SPHKAP: variants seen among roughly 807,000 people sequenced by gnomAD.
SPHKAP encodes SPHK1 interactor, AKAP domain containing, also known as A-kinase anchor protein SPHKAP.
A neutral mutation model predicts 137.5 loss-of-function variants in SPHKAP; 67 were observed. The ratio of observed to expected loss-of-function variants is 0.49; its 90% CI spans 0.40 to 0.60. SPHKAP has a LOEUF of 0.60. SPHKAP is among the 20% of genes least tolerant of loss of function. The probability of loss-of-function intolerance (pLI) is 0.00; values close to 1 mark genes in which losing one functional copy is unlikely to be tolerated. For missense variants in SPHKAP, 2,097 were observed against 2,069.3 expected, an observed-to-expected ratio of 1.01 and a Z score of -0.26; for synonymous variants, 813 against 785.3, an observed-to-expected ratio of 1.04 and a Z score of -0.59.
chr2:228,094,797 A>C (rs566497233), intron 3 of SPHKAP, among the ~76,000 whole-genome samples: 1 of 152,318 alleles, frequency 6.6e-6, no homozygotes, highest in East Asian at 1.9e-4. Context: ...GCAGTTACTC[A>C]TACCACGGTA....
At chr2:228,106,929 T>A (rs552213955) in intron 3 of SPHKAP, among the ~76,000 whole-genome samples, 6 of 152,318 alleles carry the variant, frequency 3.9e-5, no homozygotes, top group African/African-American at 9.6e-5. Context: ...GGATACTTTT[T>A]AAAAATGTTT....
chr2:228,129,917 C>T (rs767148981), intron 2 of SPHKAP, among the ~76,000 whole-genome samples: 5 of 151,794 alleles, frequency 3.3e-5, no homozygotes, highest in South Asian at 2.1e-4. Context: ...TTGTCTCAAC[C>T]GCCCGAGTAG....
intron 3 of SPHKAP, among the ~76,000 whole-genome samples, chr2:228,033,458 T>C (rs1372769958): frequency 1.3e-5 from 2 of 152,152 alleles, no homozygotes; most frequent in Admixed American, 6.5e-5. Flanking sequence ...CTGTCAACAT[T>C]GGACAGATCA....
rs1694710604 is a variant in SPHKAP at position 228,018,678 on chromosome 2, G to A, written c.2176C>T (p.His726Tyr). The change falls in exon 7 of 12, where the codon CAT becomes TAT. Residue 726 changes from histidine (H) to tyrosine (Y), a missense_variant. His to Tyr is a moderately conservative substitution (Grantham distance 83). Coordinates refer to ENST00000392056, the MANE Select transcript of SPHKAP (RefSeq NM_001142644.2). ...GGACATTCACCAAGCCGTACAATATGACTCATCTTCTTGAACGTGAAGCAT... is the reference window on the plus strand; with the variant it reads ...GGACATTCACCAAGCCGTACAATATAACTCATCTTCTTGAACGTGAAGCAT... ...VICFTFKKMS[H>Y]IVRLGECPAV... 1 of 1,614,174 alleles carries A rather than the reference G, an allele frequency of 6.2e-7. No homozygotes were observed. The highest frequency in any genetic ancestry group is 8.5e-7 in the Non-Finnish European group (1 of 1,180,034).
chr2:228,044,064 C>T (rs1480688511), intron 3 of SPHKAP, among the ~76,000 whole-genome samples: 1 of 152,016 alleles, frequency 6.6e-6, no homozygotes, highest in Non-Finnish European at 1.5e-5. Flanking sequence ...TTATCTAAAC[C>T]AAACATCTAA....
rs927855092 is a variant in SPHKAP at position 227,981,593 on chromosome 2, AT to A, written c.*123del. 4.7e-4 allele frequency: 604 copies of A among 1,281,956 alleles called. No individual in the cohort carries two copies. The highest frequency in any genetic ancestry group is 1.5e-3 in the African/African-American group (101 of 65,454). 79.4% of individuals were successfully genotyped at this position (1,281,956 alleles called of 1,614,324 possible). A position where few individuals can be genotyped will look rare whatever the true frequency, so the allele number is the denominator to read the frequency against. ...TGTATGCAGTGGATCTGAGTAGCAG[AT>A]TTTTTTTTATAGTTCTGCTAATGTG... On this transcript the variant is annotated 3_prime_UTR_variant, in exon 12 of 12. Transcript: ENST00000392056.
chr2:228,143,142 C>A (rs1000004721), intron 1 of SPHKAP, among the ~76,000 whole-genome samples: 1 of 152,134 alleles, frequency 6.6e-6, no homozygotes, highest in Non-Finnish European at 1.5e-5. Flanking sequence ...AGATGATGCC[C>A]CTTTGCCCTC....
At chr2:228,172,753 C>T (rs1700622079) in intron 1 of SPHKAP, among the ~76,000 whole-genome samples, 1 of 152,186 alleles carries the variant, frequency 6.6e-6, no homozygotes, top group Non-Finnish European at 1.5e-5. Context: ...TCCAATTCAA[C>T]CTCATTCTGA....
chr2:228,130,828 C>T (rs1699226738), intron 2 of SPHKAP, among the ~76,000 whole-genome samples: 1 of 151,994 alleles, frequency 6.6e-6, no homozygotes, highest in East Asian at 1.9e-4. Flanking sequence ...ATTTATAGCA[C>T]CAATTCCTTT....
intron 3 of SPHKAP, among the ~76,000 whole-genome samples, chr2:228,075,280 T>G (rs1422600194): frequency 6.6e-6 from 1 of 152,250 alleles, no homozygotes. Flanking sequence ...ATGTGTTTGT[T>G]TCTCAAAATG....
intron 1 of SPHKAP, among the ~76,000 whole-genome samples, chr2:228,146,338 T>C (rs572321894): frequency 2.2e-4 from 33 of 152,330 alleles, no homozygotes; most frequent in South Asian, 2.1e-4. Flanking sequence ...AAGTGACACA[T>C]ATATCCACCA....
Position 228,016,731 on chromosome 2 carries a change from A to G in SPHKAP, c.4123T>C (p.Ser1375Pro), listed in dbSNP as rs913204735. The G allele has an allele frequency of 1.2e-6, 2 of 1,613,946 alleles. No individual in the cohort carries two copies. The highest frequency in any genetic ancestry group is 1.3e-5 in the African/African-American group (1 of 74,884). Residue 1375 changes from serine to proline, a missense_variant, in exon 7 of 12, where the codon TCT becomes CCT. Coordinates refer to ENST00000392056, the MANE Select transcript of SPHKAP (RefSeq NM_001142644.2). ...GGGGGCTGTTTACATTCGGTAACAG[A>G]GTCTTTCCTCGGGCAATCGAGAGAC... Reference protein sequence around the residue: ...QESLDCPRKDSVTECKQPPVS... With the variant: ...QESLDCPRKDPVTECKQPPVS...
chr2:228,074,949 A>T (rs1461444655), intron 3 of SPHKAP, among the ~76,000 whole-genome samples: 8 of 152,104 alleles, frequency 5.3e-5, no homozygotes, highest in Non-Finnish European at 8.8e-5. Context: ...ACCCAATGTT[A>T]TAAAAAAGAA....
At chr2:228,047,187 C>T (rs1354141013) in intron 3 of SPHKAP, among the ~76,000 whole-genome samples, 1 of 152,084 alleles carries the variant, frequency 6.6e-6, no homozygotes, top group East Asian at 1.9e-4. Context: ...TGGTTCAGGC[C>T]AGGTGCAGTG....
At chr2:228,166,321 T>C (rs1211856917) in intron 1 of SPHKAP, among the ~76,000 whole-genome samples, 1 of 152,232 alleles carries the variant, frequency 6.6e-6, no homozygotes, top group East Asian at 1.9e-4. Context: ...TTCCCTTATA[T>C]TATTTTGAAA....
chr2:228,037,099 C>G (rs1695649903), intron 3 of SPHKAP, among the ~76,000 whole-genome samples: 1 of 151,992 alleles, frequency 6.6e-6, no homozygotes, highest in Non-Finnish European at 1.5e-5. Context: ...AACTACTGTA[C>G]AGTTTCTTTC....
At chr2:228,152,334 AG>A (rs1439416506) in intron 1 of SPHKAP, among the ~76,000 whole-genome samples, 6 of 152,180 alleles carry the variant, frequency 3.9e-5, no homozygotes, top group Admixed American at 3.3e-4. Flanking sequence ...TTAGGTGAAT[AG>A]AAACTTAAAA....
At chr2:228,128,310 A>G (rs990903125) in intron 2 of SPHKAP, among the ~76,000 whole-genome samples, 1 of 152,196 alleles carries the variant, frequency 6.6e-6, no homozygotes, top group Admixed American at 6.5e-5. Flanking sequence ...CACTAGGAGT[A>G]GAGTCCATCT....
chr2:228,036,846 G>A (rs1055348034), intron 3 of SPHKAP, among the ~76,000 whole-genome samples: 84 of 151,678 alleles, frequency 5.5e-4, no homozygotes, highest in Non-Finnish European at 6.8e-4. Flanking sequence ...GAACACATGG[G>A]CACAGGAAGG....
Sources: gnomAD v4.1 joint callset for allele counts (sites outside exome capture counted in the v4.1 genomes callset) on GRCh38, gnomAD v4.1.1 for gene constraint, MANE v1.5 for transcripts, NCBI Gene and HGNC (gene_info 2026-07-23, HGNC 2026-07-21) for gene names.